The following COL14A1 variants were observed in gnomAD, a reference collection of about 807,000 sequenced individuals.
COL14A1 encodes the protein collagen alpha-1(XIV) chain.
In COL14A1, 136 loss-of-function variants were observed where a neutral mutation model predicts 230.3. The ratio of observed to expected loss-of-function variants is 0.59; its 90% CI spans 0.51 to 0.68. The LOEUF (loss-of-function observed/expected upper bound fraction) is 0.68. COL14A1 is among the 30% of genes least tolerant of loss of function. The probability of loss-of-function intolerance (pLI) is 0.00; values close to 1 mark genes in which losing one functional copy is unlikely to be tolerated. For synonymous variants in COL14A1, 792 were observed against 784.1 expected (o/e 1.01, Z -0.17); for missense variants, 1,976 against 2,215.8 (o/e 0.89, Z 2.17).
intron 2 of COL14A1, among the ~76,000 whole-genome samples, chr8:120,149,520 A>G (rs1280508873): frequency 6.6e-6 from 1 of 152,188 alleles, no homozygotes; most frequent in Non-Finnish European, 1.5e-5. Context: ...ACAGATTCTT[A>G]GAAACAAAGG....
chr8:120,332,390 A>G (rs536925300), intron 41 of COL14A1, among the ~76,000 whole-genome samples, 196 bp downstream of exon 41: 1 of 152,288 alleles, frequency 6.6e-6, no homozygotes, highest in Admixed American at 6.5e-5. Flanking sequence ...TCTATCTCTG[A>G]GCTATTTTGC....
At chr8:120,342,514 C>T in intron 44 of COL14A1, 68 bp downstream of exon 44, 1 of 1,454,904 alleles carries the variant, frequency 6.9e-7, no homozygotes, top group Non-Finnish European at 9.6e-7. Flanking sequence ...AGTTTCTTTT[C>T]CCATGAGCGT....
chr8:120,226,091 C>T (rs562659126), intron 15 of COL14A1, among the ~76,000 whole-genome samples: 39 of 151,514 alleles, frequency 2.6e-4, no homozygotes, highest in East Asian at 5.8e-4. Flanking sequence ...TTCTGTTGTA[C>T]ATCCCAGAAG....
intron 13 of COL14A1, chr8:120,213,822 G>A (rs1817676156): frequency 3.8e-6 from 1 of 261,334 alleles, no homozygotes; most frequent in Non-Finnish European, 7.5e-6. Context: ...AAGTAAATTA[G>A]ACACTATTCT....
At chr8:120,366,131 G>A (rs1300908220) in intron 45 of COL14A1, among the ~76,000 whole-genome samples, 1 of 152,196 alleles carries the variant, frequency 6.6e-6, no homozygotes, top group African/African-American at 2.4e-5. Flanking sequence ...TGTTAAAAGT[G>A]ATTATTTTCA....
intron 2 of COL14A1, among the ~76,000 whole-genome samples, chr8:120,148,837 T>C (rs1397752836): frequency 1.3e-5 from 2 of 152,224 alleles, no homozygotes; most frequent in Non-Finnish European, 2.9e-5. Context: ...ACTTTTATTT[T>C]TGATTTCCAT....
chr8:120,182,852 G>A (rs764752484), intron 5 of COL14A1, among the ~76,000 whole-genome samples: 45 of 148,060 alleles, frequency 3.0e-4, no homozygotes, highest in Admixed American at 6.2e-4. Flanking sequence ...TCAGTCTCCC[G>A]AGTAGCTAGG....
intron 45 of COL14A1, among the ~76,000 whole-genome samples, chr8:120,366,261 C>T (rs1423644375): frequency 6.6e-6 from 1 of 152,208 alleles, no homozygotes. Context: ...TGCCTGCTAC[C>T]TGTCAAATTG....
chr8:120,231,880 T>C (rs1818278790), intron 19 of COL14A1: 3 of 356,472 alleles, frequency 8.4e-6, no homozygotes, highest in Non-Finnish European at 1.5e-5. Flanking sequence ...TCTGCTGCCT[T>C]GCACCTGTTC....
rs541495171 is a variant in COL14A1, at chr8:120,250,857, G to T, written c.2752+91G>T. 1.9e-3 allele frequency: 2,828 copies of T among 1,451,322 alleles called. 6 individuals are homozygous for T. Among genetic ancestry groups the T allele is most frequent in the Non-Finnish European group, 2.4e-3 (2,614 of 1,070,320 alleles). 89.9% of individuals were successfully genotyped at this position (1,451,322 alleles called of 1,614,324 possible). A position where few individuals can be genotyped will look rare whatever the true frequency, so the allele number is the denominator to read the frequency against. ...GAGTCTCGCTCTGTCGCTCAGGCTGGAGTGCGCTGGTGCGATCTGGACTCA... is the reference window on the plus strand; with the variant it reads ...GAGTCTCGCTCTGTCGCTCAGGCTGTAGTGCGCTGGTGCGATCTGGACTCA... On this transcript the variant is annotated intron_variant, in intron 22 of 47. Transcript: ENST00000297848.
rs541973507 is a variant in COL14A1, at chr8:120,363,785, C to T, written c.5078-3386C>T. Reference sequence around the variant, plus strand: ...TGAGAATAGGTAATGCAGTGGAATGCGCAGTACCAAAGGATCGCAGTTACT... The same window carrying T: ...TGAGAATAGGTAATGCAGTGGAATGTGCAGTACCAAAGGATCGCAGTTACT... On this transcript the variant is annotated intron_variant, in intron 45 of 47. Transcript: ENST00000297848. Among the ~76,000 whole-genome samples, 7 of 152,276 alleles carry T rather than the reference C, an allele frequency of 4.6e-5. No homozygotes were observed. In the East Asian group the frequency reaches 7.7e-4, roughly 17 times the overall value.
At chr8:120,318,994 G>A (rs1487318285) in intron 40 of COL14A1, among the ~76,000 whole-genome samples, 1 of 152,110 alleles carries the variant, frequency 6.6e-6, no homozygotes, top group Non-Finnish European at 1.5e-5. Flanking sequence ...GAAAGGAGGA[G>A]GAAGCTGCAA....
chr8:120,227,089 A>G, intron 16 of COL14A1, 131 bp from the exon 17 acceptor site: 2 of 968,366 alleles, frequency 2.1e-6, no homozygotes, highest in Non-Finnish European at 3.0e-6. Flanking sequence ...CTCTGGCTTG[A>G]CCTTAAAATG....
intron 47 of COL14A1, chr8:120,370,475 C>T: frequency 1.3e-6 from 2 of 1,530,570 alleles, no homozygotes; most frequent in Non-Finnish European, 1.8e-6. Flanking sequence ...TAACAATGGA[C>T]ACTCTGCTTC....
chr8:120,208,088 G>T (rs548058051), intron 10 of COL14A1, 144 bp from the exon 11 acceptor site: 25 of 720,082 alleles, frequency 3.5e-5, no homozygotes, highest in African/African-American at 3.0e-4. Flanking sequence ...AAAGAGAGTT[G>T]ACTGCCACAG....
intron 10 of COL14A1, among the ~76,000 whole-genome samples, chr8:120,207,479 A>C (rs1396366012): frequency 2.6e-5 from 4 of 152,178 alleles, no homozygotes; most frequent in African/African-American, 9.7e-5. Context: ...TGTGAATTCC[A>C]AAGTACGTGG....
At chr8:120,186,875 C>CT (rs1469646415) in intron 5 of COL14A1, among the ~76,000 whole-genome samples, 4 of 152,134 alleles carry the variant, frequency 2.6e-5, no homozygotes, top group Non-Finnish European at 5.9e-5. Flanking sequence ...AAAGTCCTCC[C>CT]CAGTCAAGGA....
intron 5 of COL14A1, among the ~76,000 whole-genome samples, chr8:120,192,258 C>T (rs1210297848): frequency 6.6e-6 from 1 of 152,178 alleles, no homozygotes; most frequent in East Asian, 1.9e-4. Context: ...CAAAATCTCT[C>T]AGCATTTGCT....
chr8:120,238,854 G>C (rs573890577), intron 19 of COL14A1, among the ~76,000 whole-genome samples: 7 of 152,234 alleles, frequency 4.6e-5, no homozygotes, highest in East Asian at 1.9e-4. Flanking sequence ...CCCTTGGCTA[G>C]GGGAGGGAGT....
Sources: allele counts gnomAD v4.1 joint callset (sites outside exome capture counted in the v4.1 genomes callset), GRCh38; gene constraint gnomAD v4.1.1; transcripts MANE v1.5; gene names NCBI Gene and HGNC (gene_info 2026-07-23, HGNC 2026-07-21).